Variants in FOXP1 observed in about 807,000 individuals in gnomAD.
The protein encoded by FOXP1 is forkhead box P1.
A neutral mutation model predicts 98.2 loss-of-function variants in FOXP1; 15 were observed. That is an observed-to-expected ratio of 0.15 (90% CI 0.10 to 0.24). The LOEUF (loss-of-function observed/expected upper bound fraction) is 0.24, where lower values mean the gene tolerates loss of function less well. Among genes scored for constraint, FOXP1 ranks in the 10% least tolerant of loss-of-function variants. FOXP1 has a pLI of 1.00. For synonymous variants in FOXP1, 371 were observed against 314.5 expected (o/e 1.18, Z -1.90); for missense variants, 633 against 848.5 (o/e 0.75, Z 3.15).
intron 5 of FOXP1, among the ~76,000 whole-genome samples, chr3:71,247,485 G>A (rs762949827): frequency 6.6e-6 from 1 of 152,188 alleles, no homozygotes; most frequent in African/African-American, 2.4e-5. Context: ...AAAGACCGGG[G>A]TATCATGACT....
chr3:71,521,878 C>A (rs539335354), intron 2 of FOXP1, among the ~76,000 whole-genome samples: 1 of 152,102 alleles, frequency 6.6e-6, no homozygotes, highest in African/African-American at 2.4e-5. Flanking sequence ...CATGGAAAGG[C>A]GCATTGGACT....
chr3:71,271,438 C>CAA (rs1378300334), intron 5 of FOXP1, among the ~76,000 whole-genome samples: 7 of 152,120 alleles, frequency 4.6e-5, no homozygotes, highest in African/African-American at 1.7e-4. Flanking sequence ...CTTGAAAACA[C>CAA]AACTTAAGAG....
intron 6 of FOXP1, among the ~76,000 whole-genome samples, chr3:71,175,554 A>T (rs1206610487): frequency 6.6e-6 from 1 of 152,212 alleles, no homozygotes; most frequent in Admixed American, 6.5e-5. Flanking sequence ...CAGACTAAAA[A>T]TGATCCTCTG....
chr3:71,351,341 A>G (rs1252695201), intron 4 of FOXP1, among the ~76,000 whole-genome samples: 1 of 152,172 alleles, frequency 6.6e-6, no homozygotes. Flanking sequence ...GACCTAAAAT[A>G]TGGTGAGCTC....
chr3:71,408,938 T>C (rs1006377504), intron 3 of FOXP1, among the ~76,000 whole-genome samples: 1 of 152,232 alleles, frequency 6.6e-6, no homozygotes, highest in Non-Finnish European at 1.5e-5. Context: ...GAACCAGAAA[T>C]GCCACGTTTA....
At chr3:71,061,881 C>T (rs2051545246) in intron 7 of FOXP1, among the ~76,000 whole-genome samples, 1 of 152,200 alleles carries the variant, frequency 6.6e-6, no homozygotes, top group Non-Finnish European at 1.5e-5. Flanking sequence ...CTAGTCACAA[C>T]ATTCTCTCCT....
intron 3 of FOXP1, among the ~76,000 whole-genome samples, chr3:71,487,144 A>G (rs568942450): frequency 1.3e-5 from 2 of 152,260 alleles, no homozygotes; most frequent in East Asian, 3.9e-4. Context: ...GTCTTTTCCA[A>G]AGTTACGCAA....
chr3:70,981,425 C>A (rs573468931), intron 14 of FOXP1, among the ~76,000 whole-genome samples: 40 of 152,248 alleles, frequency 2.6e-4, no homozygotes, highest in Middle Eastern at 6.8e-3. Flanking sequence ...ACAGAGGAAG[C>A]AGCCAATCTC....
intron 6 of FOXP1, among the ~76,000 whole-genome samples, chr3:71,174,337 G>A (rs1421149440): frequency 6.6e-6 from 1 of 152,092 alleles, no homozygotes; most frequent in Admixed American, 6.5e-5. Flanking sequence ...ACTGGGGAGG[G>A]TGAGGCAGGA....
intron 3 of FOXP1, among the ~76,000 whole-genome samples, chr3:71,414,489 C>T (rs1052664621): frequency 1.2e-4 from 18 of 152,218 alleles, no homozygotes; most frequent in Non-Finnish European, 1.2e-4. Context: ...AGGCTTTTGC[C>T]GCCCACCAAT....
intron 5 of FOXP1, among the ~76,000 whole-genome samples, chr3:71,235,210 A>C (rs980608670): frequency 6.6e-6 from 1 of 152,152 alleles, no homozygotes; most frequent in Admixed American, 6.5e-5. Context: ...TTTAGGGAAA[A>C]ACTTTTTGGT....
intron 6 of FOXP1, among the ~76,000 whole-genome samples, chr3:71,185,337 G>C (rs2062582645): frequency 6.6e-6 from 1 of 152,146 alleles, no homozygotes; most frequent in South Asian, 2.1e-4. Flanking sequence ...GAAAATACAA[G>C]GGCAACACCA....
intron 7 of FOXP1, among the ~76,000 whole-genome samples, chr3:71,058,618 A>C (rs1263472213): frequency 2.0e-5 from 3 of 151,966 alleles, no homozygotes; most frequent in Non-Finnish European, 4.4e-5. Context: ...AAAAAAAAAA[A>C]AACTATGCCA....
At chr3:71,380,419 C>T (rs2108044758) in intron 3 of FOXP1, among the ~76,000 whole-genome samples, 1 of 152,284 alleles carries the variant, frequency 6.6e-6, no homozygotes, top group African/African-American at 2.4e-5. Context: ...CAGCAAAGGC[C>T]AAGAGGCTCA....
chr3:71,098,654 C>T (rs988255414), intron 7 of FOXP1, among the ~76,000 whole-genome samples: 2 of 152,162 alleles, frequency 1.3e-5, no homozygotes, highest in Non-Finnish European at 1.5e-5. Flanking sequence ...TCATTCATCA[C>T]TCAGTTATTC....
At chr3:71,152,925 G>A (rs1427923341) in intron 6 of FOXP1, among the ~76,000 whole-genome samples, 1 of 152,148 alleles carries the variant, frequency 6.6e-6, no homozygotes, top group African/African-American at 2.4e-5. Flanking sequence ...CACTTACAGA[G>A]TCTTTGCTTA....
At chr3:71,463,630 T>C (rs962588163) in intron 3 of FOXP1, among the ~76,000 whole-genome samples, 1 of 152,172 alleles carries the variant, frequency 6.6e-6, no homozygotes, top group Non-Finnish European at 1.5e-5. Flanking sequence ...GGTGTTGTAC[T>C]TTCAATTAAT....
At chr3:71,040,819 A>G (rs965958229) in intron 11 of FOXP1, among the ~76,000 whole-genome samples, 7 of 152,080 alleles carry the variant, frequency 4.6e-5, no homozygotes, top group African/African-American at 1.4e-4. Context: ...CATCCTCCAA[A>G]CCTTCACTCA....
chr3:71,307,012 C>T (rs1560280698), intron 4 of FOXP1, among the ~76,000 whole-genome samples: 1 of 152,150 alleles, frequency 6.6e-6, no homozygotes, highest in Non-Finnish European at 1.5e-5. Context: ...ACACTGACCT[C>T]TTATTCTATG....
Sources: gnomAD v4.1 joint callset for allele counts (sites outside exome capture counted in the v4.1 genomes callset) on GRCh38, gnomAD v4.1.1 for gene constraint, MANE v1.5 for transcripts, NCBI Gene and HGNC (gene_info 2026-07-23, HGNC 2026-07-21) for gene names.